The following EIF2AK2 variants were observed in gnomAD, a reference collection of about 807,000 sequenced individuals.
EIF2AK2 encodes interferon-induced, double-stranded RNA-activated protein kinase.
EIF2AK2 carries 40 observed loss-of-function variants against 70.5 expected under a neutral mutation model. The observed-to-expected ratio is 0.57, with a 90% CI of 0.44 to 0.74. The LOEUF (loss-of-function observed/expected upper bound fraction) is 0.74, where lower values mean the gene tolerates loss of function less well. Among genes scored for constraint, EIF2AK2 ranks in the 30% least tolerant of loss-of-function variants. The pLI is 0.00. For missense variants in EIF2AK2, 555 were observed against 644.3 expected, an observed-to-expected ratio of 0.86 and a Z score of 1.50; for synonymous variants, 198 against 220.9, an observed-to-expected ratio of 0.90 and a Z score of 0.92.
At chr2:37,133,190 A>C (rs746660919) in intron 10 of EIF2AK2, among the ~76,000 whole-genome samples, 9 of 152,144 alleles carry the variant, frequency 5.9e-5, no homozygotes, top group Non-Finnish European at 1.0e-4. Flanking sequence ...ACTGGGTTAC[A>C]CTTCTAGCTT....
At position 37,145,203 on chromosome 2, in the gene EIF2AK2, C is replaced by T. The variant is rs570895331; in HGVS notation, c.240+1650G>A. Among the ~76,000 whole-genome samples, 80 of 138,476 alleles carry T rather than the reference C, an allele frequency of 5.8e-4. No individual in the cohort carries two copies. The South Asian group carries it at 0.016, about 29-fold the overall frequency. 90.8% of individuals were successfully genotyped at this position (138,476 alleles called of 152,430 possible). A position where few individuals can be genotyped will look rare whatever the true frequency, so the allele number is the denominator to read the frequency against. On this transcript the variant is annotated intron_variant, in intron 4 of 16. Transcript: ENST00000233057. Reference sequence around the variant, plus strand: ...TGTCGCCCAGGCTGGAATGTAGTGGCACGATCTCGGCTCACTGCAACCTCC... The same window carrying T: ...TGTCGCCCAGGCTGGAATGTAGTGGTACGATCTCGGCTCACTGCAACCTCC...
intron 15 of EIF2AK2, among the ~76,000 whole-genome samples, 188 bp downstream of exon 15, chr2:37,109,006 T>C (rs1674056711): frequency 6.6e-6 from 1 of 152,242 alleles, no homozygotes; most frequent in Non-Finnish European, 1.5e-5. Context: ...ATCAAAGTTT[T>C]TGGTCTTTAA....
At chr2:37,114,683 T>G in intron 14 of EIF2AK2, 48 bp downstream of exon 14, 1 of 1,451,680 alleles carries the variant, frequency 6.9e-7, no homozygotes, top group Non-Finnish European at 9.1e-7. Context: ...TTTTATAATT[T>G]TCAAAATAAA....
At chr2:37,139,035 G>A (rs528411728) in intron 6 of EIF2AK2, among the ~76,000 whole-genome samples, 129 of 150,838 alleles carry the variant, frequency 8.6e-4, no homozygotes, top group African/African-American at 2.7e-3. Context: ...TCCTGAGTTC[G>A]GCCAGGTGCA....
At chr2:37,139,952 G>C (rs765238211) in intron 5 of EIF2AK2, among the ~76,000 whole-genome samples, 195 bp from the exon 6 acceptor site, 1 of 152,174 alleles carries the variant, frequency 6.6e-6, no homozygotes, top group African/African-American at 2.4e-5. Context: ...CCCAGGATCA[G>C]CTGACATCTG....
At position 37,141,552 on chromosome 2, in the gene EIF2AK2, C is replaced by G. The variant is rs1675332282; in HGVS notation, c.389+1G>C. ...GAAAGAAAAGCCAAATTATGTCTTA[C>G]CCTTCTGGCCCATGCACCCCCGATG... On this transcript the variant is annotated splice_donor_variant, in intron 5 of 16. Coordinates refer to ENST00000233057, the MANE Select transcript of EIF2AK2 (RefSeq NM_001135651.3). LOFTEE classifies it high-confidence loss of function. The G allele has an allele frequency of 6.2e-7, 1 of 1,607,840 alleles. No individual in the cohort carries two copies. The highest frequency in any genetic ancestry group is 8.5e-7 in the Non-Finnish European group (1 of 1,178,690).
chr2:37,146,424 A>G (rs775486736), intron 4 of EIF2AK2, among the ~76,000 whole-genome samples: 1 of 152,258 alleles, frequency 6.6e-6, no homozygotes, highest in Non-Finnish European at 1.5e-5. Flanking sequence ...TGGCATCCAC[A>G]GGGAGTCCTG....
chr2:37,137,887 C>T (rs1362693913), intron 8 of EIF2AK2, among the ~76,000 whole-genome samples: 1 of 151,948 alleles, frequency 6.6e-6, no homozygotes, highest in Non-Finnish European at 1.5e-5. Flanking sequence ...CCGAGGTGGG[C>T]AGAACACGAG....
intron 13 of EIF2AK2, 55 bp from the exon 14 acceptor site, chr2:37,114,914 A>G: frequency 1.6e-6 from 2 of 1,237,774 alleles, no homozygotes; most frequent in Non-Finnish European, 2.2e-6. Context: ...CTATTACCAC[A>G]TGTCTTAATT....
Position 37,102,626 on chromosome 2 carries a change from T to A in EIF2AK2, c.*4647A>T, listed in dbSNP as rs1338497263. On this transcript the variant is annotated 3_prime_UTR_variant, in exon 17 of 17. Transcript: ENST00000233057. ...TATATAAAATACATATTCATACACA[T>A]ATGTGCACACACACAGGATGGCTTC... The A allele has an allele frequency of 6.6e-6, 1 of 152,140 alleles. No individual in the cohort carries two copies. The highest frequency in any genetic ancestry group is 1.5e-5 in the Non-Finnish European group (1 of 68,028). The allele number at this position is 152,140 out of a possible 1,614,324, so 9.4% of individuals were successfully genotyped here.
chr2:37,116,728 A>G (rs1009056305), intron 13 of EIF2AK2, among the ~76,000 whole-genome samples: 1 of 152,220 alleles, frequency 6.6e-6, no homozygotes, highest in African/African-American at 2.4e-5. Context: ...TGGAGAGAAA[A>G]CATTCCTATG....
chr2:37,109,585 C>A (rs1197503282), intron 14 of EIF2AK2: 3 of 287,638 alleles, frequency 1.0e-5, no homozygotes, highest in African/African-American at 6.6e-5. Context: ...GCAGGTAAAG[C>A]AGTTAAAATA....
chr2:37,131,717 C>A (rs1004509351), intron 10 of EIF2AK2, among the ~76,000 whole-genome samples: 1 of 152,026 alleles, frequency 6.6e-6, no homozygotes, highest in Non-Finnish European at 1.5e-5. Context: ...TAGATGGCAG[C>A]GCATCAAAAA....
At chr2:37,127,342 G>C (rs966219265) in intron 10 of EIF2AK2, among the ~76,000 whole-genome samples, 1 of 152,128 alleles carries the variant, frequency 6.6e-6, no homozygotes, top group East Asian at 1.9e-4. Context: ...AGCAACCAGA[G>C]GGATGAAAAC....
chr2:37,152,338 G>C (rs1291711913), intron 1 of EIF2AK2, among the ~76,000 whole-genome samples: 3 of 152,086 alleles, frequency 2.0e-5, no homozygotes, highest in Admixed American at 1.3e-4. Context: ...CTGGAGTGCA[G>C]TAACATGATC....
rs924806646 is a variant in EIF2AK2, at chr2:37,103,110, C to T, written c.*4163G>A. On this transcript the variant is annotated 3_prime_UTR_variant, in exon 17 of 17. Transcript: ENST00000233057. ...ATACTTTTTACTTTAATTTTGAGGCCAAGAAAATATATACTCACAAATCAA... is the reference window on the plus strand; with the variant it reads ...ATACTTTTTACTTTAATTTTGAGGCTAAGAAAATATATACTCACAAATCAA... 2 of 150,994 alleles carry T rather than the reference C, an allele frequency of 1.3e-5. No individual in the cohort carries two copies. The highest frequency in any genetic ancestry group is 2.9e-5 in the Non-Finnish European group (2 of 67,808). The allele number at this position is 150,994 out of a possible 1,614,324, so 9.4% of individuals were successfully genotyped here. A position where few individuals can be genotyped will look rare whatever the true frequency, so the allele number is the denominator to read the frequency against.
chr2:37,126,246 G>A, intron 11 of EIF2AK2, 43 bp downstream of exon 11: 2 of 1,541,882 alleles, frequency 1.3e-6, no homozygotes, highest in Non-Finnish European at 1.7e-6. Flanking sequence ...TGCAGATTCA[G>A]CGTACCTTGC....
chr2:37,127,030 A>G (rs1331334147), intron 10 of EIF2AK2, among the ~76,000 whole-genome samples: 1 of 150,298 alleles, frequency 6.7e-6, no homozygotes, highest in Non-Finnish European at 1.5e-5. Flanking sequence ...CACAAATACA[A>G]AATGTTCAAA....
chr2:37,119,572 T>A (rs1573006739), intron 13 of EIF2AK2, among the ~76,000 whole-genome samples: 1 of 151,362 alleles, frequency 6.6e-6, no homozygotes, highest in East Asian at 1.9e-4. Flanking sequence ...AATATATATC[T>A]ATCTATCTTA....
Sources: gnomAD v4.1 joint callset for allele counts (sites outside exome capture counted in the v4.1 genomes callset) on GRCh38, gnomAD v4.1.1 for gene constraint, MANE v1.5 for transcripts, NCBI Gene and HGNC (gene_info 2026-07-23, HGNC 2026-07-21) for gene names.